CACNA1D: variants seen among roughly 807,000 people sequenced by gnomAD.
CACNA1D encodes the protein calcium voltage-gated channel subunit alpha1 D, also known as voltage-dependent L-type calcium channel subunit alpha-1D.
In CACNA1D, 55 loss-of-function variants were observed where a neutral mutation model predicts 257.1. That is an observed-to-expected ratio of 0.21 (90% CI 0.17 to 0.27). The LOEUF (loss-of-function observed/expected upper bound fraction) is 0.27, where lower values mean the gene tolerates loss of function less well. CACNA1D is among the 10% of genes least tolerant of loss of function. The pLI is 1.00. For synonymous variants in CACNA1D, 980 were observed against 1,014.9 expected (o/e 0.97, Z 0.65); for missense variants, 1,876 against 2,784.0 (o/e 0.67, Z 7.34).
intron 9 of CACNA1D, among the ~76,000 whole-genome samples, chr3:53,711,421 A>C (rs2094753965): frequency 6.6e-6 from 1 of 152,208 alleles, no homozygotes; most frequent in Admixed American, 6.5e-5. Context: ...GCCCATCCCC[A>C]GGCAGACAGT....
intron 8 of CACNA1D, among the ~76,000 whole-genome samples, chr3:53,699,857 A>G (rs2094604986): frequency 6.6e-6 from 1 of 152,098 alleles, no homozygotes; most frequent in Admixed American, 6.6e-5. Flanking sequence ...TAGTCAGAGT[A>G]GAGTTTTACT....
At position 53,520,320 on chromosome 3, in the gene CACNA1D, TA is replaced by T. The variant is rs2107332191; in HGVS notation, c.483+18602del. ...TAACACTTGTTATTGTCTATCTTTT[TA>T]ATTATAGCCATCATAGTGCATATGA... On this transcript the variant is annotated intron_variant, in intron 3 of 47. Transcript: ENST00000350061. Among the ~76,000 whole-genome samples the T allele has an allele frequency of 2.0e-5, 3 of 152,370 alleles. No individual in the cohort carries two copies. In the South Asian group the frequency reaches 6.2e-4, roughly 32 times the overall value.
At chr3:53,546,630 C>T (rs553867828) in intron 3 of CACNA1D, among the ~76,000 whole-genome samples, 4 of 152,232 alleles carry the variant, frequency 2.6e-5, no homozygotes, top group African/African-American at 9.6e-5. Flanking sequence ...TACTTTTGCC[C>T]CTTGTCTCCT....
chr3:53,540,497 A>T (rs980185428), intron 3 of CACNA1D, among the ~76,000 whole-genome samples: 2 of 151,816 alleles, frequency 1.3e-5, no homozygotes, highest in Admixed American at 1.3e-4. Context: ...TATAGTAAAG[A>T]TTTCAAATAT....
intron 34 of CACNA1D, among the ~76,000 whole-genome samples, chr3:53,775,238 C>T (rs1341935357): frequency 1.3e-5 from 2 of 152,170 alleles, no homozygotes; most frequent in African/African-American, 4.8e-5. Context: ...CTGCCTTCAA[C>T]AAAATTGAAC....
intron 3 of CACNA1D, among the ~76,000 whole-genome samples, chr3:53,580,715 CA>C (rs1030935792): frequency 7.2e-5 from 11 of 152,344 alleles, no homozygotes; most frequent in African/African-American, 2.4e-4. Context: ...TTTCCCAGTG[CA>C]AATACTCAGT....
chr3:53,633,521 G>A (rs1490753155), intron 3 of CACNA1D, among the ~76,000 whole-genome samples: 2 of 152,208 alleles, frequency 1.3e-5, no homozygotes, highest in African/African-American at 2.4e-5. Context: ...AGCTTAGACC[G>A]AGTGGGGATT....
At chr3:53,747,046 G>A (rs1182309440) in intron 25 of CACNA1D, among the ~76,000 whole-genome samples, 1 of 152,130 alleles carries the variant, frequency 6.6e-6, no homozygotes. Context: ...AACGACGTAT[G>A]CCCGGTGTCT....
At chr3:53,618,555 C>T (rs1417877047) in intron 3 of CACNA1D, among the ~76,000 whole-genome samples, 1 of 152,212 alleles carries the variant, frequency 6.6e-6, no homozygotes, top group East Asian at 1.9e-4. Context: ...CACACTCACA[C>T]TGCAGCCTCC....
At chr3:53,586,942 G>C (rs1043876077) in intron 3 of CACNA1D, among the ~76,000 whole-genome samples, 8 of 152,168 alleles carry the variant, frequency 5.3e-5, no homozygotes, top group Non-Finnish European at 2.9e-5. Flanking sequence ...GAGGGTAAAG[G>C]CAGTGTGTAG....
chr3:53,726,959 C>T lies in CACNA1D; in HGVS notation c.2181C>T (p.Ile727=), dbSNP rs267599902. 10 of 1,613,964 alleles carry T rather than the reference C, an allele frequency of 6.2e-6. No individual in the cohort carries two copies. The highest frequency in any genetic ancestry group is 1.1e-5 in the South Asian group (1 of 91,074). Residue 727 remains isoleucine, a synonymous_variant, in exon 15 of 48, where the codon ATC becomes ATT. Coordinates refer to ENST00000350061, the MANE Select transcript of CACNA1D (RefSeq NM_001128840.3). ...GGGGCCCATCCTCTTCAGGAATGAT[C>T]GTCTGCATCTACTTCATCATCCTCT... ...AYGGPSSSGM[I]VCIYFIILFI...
At chr3:53,585,780 T>C (rs1360665444) in intron 3 of CACNA1D, among the ~76,000 whole-genome samples, 1 of 152,170 alleles carries the variant, frequency 6.6e-6, no homozygotes, top group Non-Finnish European at 1.5e-5. Context: ...TTTCACGAAG[T>C]GCTTTCACAT....
At chr3:53,749,210 G>A in intron 26 of CACNA1D, 58 bp from the exon 27 acceptor site, 2 of 1,248,760 alleles carry the variant, frequency 1.6e-6, no homozygotes, top group Admixed American at 1.8e-5. Context: ...AAGGCAGCGG[G>A]CTGGGCCGTG....
chr3:53,723,883 A>G lies in CACNA1D; in HGVS notation c.1984A>G (p.Ile662Val). ...GTTGCTTCTGCTTTTTCTCTTCATT[A>G]TCATCTTTTCCTTGCTTGGGATGCA... ...SLLLLLFLFI[I>V]IFSLLGMQLF... Residue 662 changes from isoleucine to valine, a missense_variant, in exon 14 of 48, where the codon ATC becomes GTC. This residue lies in a region of CACNA1D where 257 missense variants were observed against 399.7 expected (regional missense o/e 0.64). Coordinates refer to ENST00000350061, the MANE Select transcript of CACNA1D (RefSeq NM_001128840.3). The surrounding 1 kb of genome is among the most constrained non-coding windows in gnomAD (Gnocchi z 5.6). 6.2e-7 allele frequency: 1 copy of G among 1,614,114 alleles called. No homozygotes were observed. Among genetic ancestry groups the G allele is most frequent in the South Asian group, 1.1e-5 (1 of 91,072 alleles).
intron 3 of CACNA1D, among the ~76,000 whole-genome samples, chr3:53,527,553 C>T (rs2091810155): frequency 6.6e-6 from 1 of 152,198 alleles, no homozygotes. Context: ...ACCTAAAAAG[C>T]TTACCTAGCT....
Position 53,650,841 on chromosome 3 carries a change from G to A in CACNA1D, c.546G>A (p.Ala182=), listed in dbSNP as rs111366170. The change falls in exon 4 of 48, where the codon GCG becomes GCA. Residue 182 remains alanine, a synonymous_variant. Coordinates refer to ENST00000350061, the MANE Select transcript of CACNA1D (RefSeq NM_001128840.3). ...TCGAGACATTTTTGAAGATTATAGC[G>A]TATGGATTATTGCTACATCCTAATG... The part of the protein sequence containing the change: ...FTVETFLKII[A]YGLLLHPNAY... The A allele has an allele frequency of 2.4e-5, 38 of 1,609,264 alleles. No homozygotes were observed. Among genetic ancestry groups the A allele is most frequent in the Middle Eastern group, 1.6e-4 (1 of 6,072 alleles).
rs561200543 is a variant in CACNA1D, at chr3:53,643,241, G to A, written c.484-7538G>A. 5.3e-5 allele frequency among the ~76,000 whole-genome samples: 8 copies of A among 152,230 alleles called. No individual in the cohort carries two copies. The South Asian group carries it at 1.7e-3, about 32-fold the overall frequency. ...AAATTACCCATTGTTGTTCCTCTAA[G>A]TGCATACTTCATTAATACCTGCAGG... On this transcript the variant is annotated intron_variant, in intron 3 of 47. Coordinates refer to ENST00000350061, the MANE Select transcript of CACNA1D (RefSeq NM_001128840.3).
chr3:53,574,941 G>A lies in CACNA1D; in HGVS notation c.483+73221G>A, dbSNP rs913878685. Among the ~76,000 whole-genome samples, 27 of 152,346 alleles carry A rather than the reference G, an allele frequency of 1.8e-4. No homozygotes were observed. The South Asian group carries it at 3.9e-3, about 22-fold the overall frequency. ...TCACGTGAGTTGCCCTGGATTCCTC[G>A]ATGACGTTGCAATGGTGTCTTCTCA... On this transcript the variant is annotated intron_variant, in intron 3 of 47. Transcript: ENST00000350061.
chr3:53,739,154 G>C (rs1342219745), intron 20 of CACNA1D, among the ~76,000 whole-genome samples: 1 of 152,214 alleles, frequency 6.6e-6, no homozygotes, highest in Non-Finnish European at 1.5e-5. Flanking sequence ...GCTCACCCCT[G>C]TGACTCTTCG....
Sources: allele counts gnomAD v4.1 joint callset (sites outside exome capture counted in the v4.1 genomes callset), GRCh38; gene constraint gnomAD v4.1.1; regional missense constraint gnomAD v4.1.1; non-coding constraint Gnocchi (gnomAD v3.1); transcripts MANE v1.5; gene names NCBI Gene and HGNC (gene_info 2026-07-23, HGNC 2026-07-21).